Variants in APBB2 observed in about 807,000 individuals in gnomAD.
APBB2 encodes the protein Fe65-like 1.
A neutral mutation model predicts 82.5 loss-of-function variants in APBB2; 38 were observed. The ratio of observed to expected loss-of-function variants is 0.46; its 90% CI spans 0.36 to 0.60. The LOEUF is 0.60. APBB2 is among the 20% of genes least tolerant of loss of function. The pLI is 0.00. For synonymous variants in APBB2, 341 were observed against 368.2 expected (o/e 0.93, Z 0.85); for missense variants, 772 against 972.3 (o/e 0.79, Z 2.74).
chr4:41,072,073 CACA>C (rs1434181857), intron 3 of APBB2, among the ~76,000 whole-genome samples: 1 of 152,088 alleles, frequency 6.6e-6, no homozygotes, highest in African/African-American at 2.4e-5. Context: ...CTGAAGTTCT[CACA>C]ACAAGGAAAG....
intron 7 of APBB2, 62 bp from the exon 8 acceptor site, chr4:40,935,201 A>AC: frequency 7.2e-6 from 8 of 1,118,118 alleles, no homozygotes; most frequent in Non-Finnish European, 9.7e-6. Flanking sequence ...AGAAAAGAAA[A>AC]GAAAAAAAAA....
chr4:40,994,315 T>C (rs1803018836), intron 6 of APBB2, among the ~76,000 whole-genome samples: 1 of 150,640 alleles, frequency 6.6e-6, no homozygotes, highest in Non-Finnish European at 1.5e-5. Context: ...ACCTAGGAGT[T>C]CTGATGCAGA....
intron 1 of APBB2, among the ~76,000 whole-genome samples, chr4:41,175,743 G>A (rs1277980326): frequency 1.3e-5 from 2 of 151,944 alleles, no homozygotes; most frequent in African/African-American, 2.4e-5. Flanking sequence ...TGAATGATTT[G>A]GAATAATTCA....
At chr4:41,047,151 A>C (rs1353617991) in intron 4 of APBB2, among the ~76,000 whole-genome samples, 1 of 152,228 alleles carries the variant, frequency 6.6e-6, no homozygotes, top group African/African-American at 2.4e-5. Flanking sequence ...AACTGGAGTA[A>C]GGGGAATGAG....
At position 40,922,094 on chromosome 4, in the gene APBB2, T is replaced by C. The variant is rs149074851; in HGVS notation, c.1254+12362A>G. Among the ~76,000 whole-genome samples, 187 of 152,320 alleles carry C rather than the reference T, an allele frequency of 1.2e-3. 1 individual carries two copies. The highest frequency in any genetic ancestry group is 4.3e-3 in the African/African-American group (177 of 41,568). On this transcript the variant is annotated intron_variant, in intron 10 of 17. Coordinates refer to ENST00000508593, the MANE Select transcript of APBB2 (RefSeq NM_004307.2). ...ACACCTTTCATGAAGCGATCATTAG[T>C]CTGAGGGTCTCCTAAAGCTAAGTGA...
intron 5 of APBB2, among the ~76,000 whole-genome samples, chr4:41,032,506 CG>C (rs373415567): frequency 0.055 from 8,097 of 147,880 alleles, 377 homozygotes; most frequent in African/African-American, 0.13. Context: ...GTATTGGGGG[CG>C]GGGGGGGTTT....
At chr4:41,211,990 T>C (rs13104449) in intron 1 of APBB2, among the ~76,000 whole-genome samples, 18,172 of 152,240 alleles carry the variant, frequency 0.12, 1,428 homozygotes, top group Non-Finnish European at 0.17. Flanking sequence ...CTATTCTTCC[T>C]GATGCTCTCC....
intron 1 of APBB2, among the ~76,000 whole-genome samples, chr4:41,168,838 G>C (rs2154051505): frequency 6.6e-6 from 1 of 152,218 alleles, no homozygotes; most frequent in African/African-American, 2.4e-5. Flanking sequence ...GAAATGACTT[G>C]CCAGCCCACA....
At chr4:41,126,049 A>C (rs1396185461) in intron 2 of APBB2, among the ~76,000 whole-genome samples, 1 of 152,066 alleles carries the variant, frequency 6.6e-6, no homozygotes. Context: ...TTTTGGAAGG[A>C]AACAAAATGC....
chr4:40,914,837 G>A (rs565585823), intron 10 of APBB2, among the ~76,000 whole-genome samples: 1 of 152,142 alleles, frequency 6.6e-6, no homozygotes, highest in African/African-American at 2.4e-5. Context: ...AGGGTGGGGG[G>A]TGGTGCTTAA....
intron 10 of APBB2, among the ~76,000 whole-genome samples, chr4:40,926,908 A>G (rs1782749217): frequency 6.6e-6 from 1 of 152,226 alleles, no homozygotes; most frequent in Non-Finnish European, 1.5e-5. Context: ...TTTTTGCAGG[A>G]AAATTGCACG....
intron 1 of APBB2, among the ~76,000 whole-genome samples, chr4:41,184,024 C>T (rs368694083): frequency 7.9e-4 from 120 of 151,804 alleles, no homozygotes; most frequent in African/African-American, 8.9e-4. Flanking sequence ...TGGGAGACAG[C>T]GACAGATCAT....
At chr4:41,013,512 G>T in intron 6 of APBB2, 71 bp downstream of exon 6, 1 of 1,438,292 alleles carries the variant, frequency 7.0e-7, no homozygotes, top group Non-Finnish European at 9.6e-7. Flanking sequence ...TCAGTCTAGA[G>T]ATTTACTCCA....
At chr4:40,905,995 G>C (rs1250698141) in intron 10 of APBB2, among the ~76,000 whole-genome samples, 1 of 152,130 alleles carries the variant, frequency 6.6e-6, no homozygotes, top group Non-Finnish European at 1.5e-5. Flanking sequence ...CACTGTCCTG[G>C]AGGGGCCTGG....
chr4:40,847,808 CT>C lies in APBB2; in HGVS notation c.1530-17232del, dbSNP rs530566684. ...TTGAATTGTTTGTTGTTTTTGCTTG[CT>C]TTTTTTTTTTTTTAAGAGATGGGAT... On this transcript the variant is annotated intron_variant, in intron 12 of 17. Transcript: ENST00000508593. 8.5e-3 allele frequency among the ~76,000 whole-genome samples: 1,199 copies of C among 140,782 alleles called. 6 individuals are homozygous for C. Among genetic ancestry groups the C allele is most frequent in the African/African-American group, 0.014 (552 of 38,618 alleles). The allele number at this position is 140,782 out of a possible 152,430, so 92.4% of individuals were successfully genotyped here.
chr4:41,041,737 T>C (rs1484379968), intron 4 of APBB2, among the ~76,000 whole-genome samples: 1 of 152,202 alleles, frequency 6.6e-6, no homozygotes, highest in Non-Finnish European at 1.5e-5. Flanking sequence ...TTCTGTGTTC[T>C]CCAAGTGAGA....
intron 10 of APBB2, among the ~76,000 whole-genome samples, chr4:40,900,057 A>C (rs189776011): frequency 5.8e-4 from 88 of 152,362 alleles, no homozygotes; most frequent in African/African-American, 2.0e-3. Context: ...ATGGTACCAG[A>C]ACATATAACA....
chr4:40,946,718 C>T (rs115632088), intron 6 of APBB2, among the ~76,000 whole-genome samples: 13 of 151,614 alleles, frequency 8.6e-5, no homozygotes, highest in Non-Finnish European at 1.6e-4. Context: ...AGCTCTAAAC[C>T]CAGGGATCAA....
In APBB2 at chr4:41,005,376, C is replaced by T. The variant is rs76459341; in HGVS notation, c.835+8207G>A. On this transcript the variant is annotated intron_variant, in intron 6 of 17. Transcript: ENST00000508593. ...GTGCTGGCATTACAGGCATGAGCCA[C>T]AGCGCCTGGCCAACTTAAGGGTTTT... Among the ~76,000 whole-genome samples the T allele has an allele frequency of 1.5e-3, 233 of 152,144 alleles. 10 individuals are homozygous for T. In the East Asian group the frequency reaches 0.042, roughly 27 times the overall value.
Sources: gnomAD v4.1 joint callset for allele counts (sites outside exome capture counted in the v4.1 genomes callset) on GRCh38, gnomAD v4.1.1 for gene constraint, MANE v1.5 for transcripts, NCBI Gene and HGNC (gene_info 2026-07-23, HGNC 2026-07-21) for gene names.